Variants in NOTCH2 observed in about 807,000 individuals in gnomAD.
NOTCH2 encodes neurogenic locus notch homolog protein 2.
A neutral mutation model predicts 235.8 loss-of-function variants in NOTCH2; 29 were observed. The ratio of observed to expected loss-of-function variants is 0.12; its 90% CI spans 0.09 to 0.17. The LOEUF (loss-of-function observed/expected upper bound fraction) is 0.17. Among genes scored for constraint, NOTCH2 ranks in the 10% least tolerant of loss-of-function variants. NOTCH2 has a pLI of 1.00. For missense variants in NOTCH2, 2,285 were observed against 3,150.2 expected (o/e 0.73, Z 6.57); for synonymous variants, 1,086 against 1,141.5 (o/e 0.95, Z 0.98).
chr1:119,937,416 C>T lies in NOTCH2; in HGVS notation c.3388G>A (p.Gly1130Ser), dbSNP rs782078365. The T allele has an allele frequency of 9.3e-6, 15 of 1,613,956 alleles. No individual in the cohort carries two copies. The Admixed American group carries it at 2.2e-4, about 23-fold the overall frequency. ...CQHSGVCINA[G>S]NTHYCQCPLG... ...GGGCACTGACAGTAATGCGTGTTGC[C>T]AGCATTGATGCAGACACCTGAGTGC... is the stretch of plus-strand genomic sequence containing the variant. Residue 1130 changes from glycine (G) to serine (S), a missense_variant, in exon 21 of 34, where the codon GGC becomes AGC. Gly to Ser is a moderately conservative substitution (Grantham distance 56, BLOSUM62 0). Coordinates refer to ENST00000256646, the MANE Select transcript of NOTCH2 (RefSeq NM_024408.4).
intron 22 of NOTCH2, among the ~76,000 whole-genome samples, chr1:119,930,448 T>C (rs1217779934): frequency 1.3e-5 from 2 of 151,148 alleles, no homozygotes; most frequent in Non-Finnish European, 2.9e-5. Context: ...AAGAAATCAA[T>C]GACTATTCTA....
intron 14 of NOTCH2, among the ~76,000 whole-genome samples, chr1:119,951,213 G>A (rs782756009): frequency 1.3e-5 from 2 of 152,172 alleles, no homozygotes; most frequent in Non-Finnish European, 2.9e-5. Flanking sequence ...GTGCAGTTGT[G>A]TAATCATGGC....
chr1:119,961,881 G>A (rs782197673), intron 11 of NOTCH2, among the ~76,000 whole-genome samples: 3 of 152,040 alleles, frequency 2.0e-5, no homozygotes, highest in Non-Finnish European at 4.4e-5. Context: ...CCATATAAGT[G>A]GAACAGGAAT....
intron 5 of NOTCH2, among the ~76,000 whole-genome samples, chr1:119,971,856 C>T (rs1037178769): frequency 6.6e-6 from 1 of 152,206 alleles, no homozygotes; most frequent in Admixed American, 6.5e-5. Flanking sequence ...TGAGAGATGC[C>T]TCTTGCAACA....
chr1:119,928,335 T>A (rs1649540992), intron 23 of NOTCH2, among the ~76,000 whole-genome samples: 1 of 152,150 alleles, frequency 6.6e-6, no homozygotes, highest in Non-Finnish European at 1.5e-5. Context: ...CATCAACTGA[T>A]CTTTGGTTAA....
chr1:120,033,462 A>G (rs1213200728), intron 1 of NOTCH2, among the ~76,000 whole-genome samples: 3 of 140,426 alleles, frequency 2.1e-5, no homozygotes, highest in African/African-American at 5.2e-5. Flanking sequence ...GATATATACA[A>G]TGGAATACTA....
chr1:120,069,276 G>C (rs1553217857), intron 1 of NOTCH2, 58 bp downstream of exon 1: 17 of 1,527,068 alleles, frequency 1.1e-5, no homozygotes, highest in South Asian at 1.1e-4. Flanking sequence ...GGGGAGAAGG[G>C]TCGCCCCAGG....
rs184098081 is a variant in NOTCH2, at chr1:120,040,966, G to A, written c.74-10979C>T. On this transcript the variant is annotated intron_variant, in intron 1 of 33. Transcript: ENST00000256646. ...TGAGGCAGGAGAATGGAATGAACCC[G>A]GGAGGCGGAGCTTGCAATGAGCCGA... is the stretch of plus-strand genomic sequence containing the variant. Among the ~76,000 whole-genome samples, 93 of 144,582 alleles carry A rather than the reference G, an allele frequency of 6.4e-4. 1 individual carries two copies. Among genetic ancestry groups the A allele is most frequent in the Non-Finnish European group, 2.5e-4 (17 of 66,796 alleles). 94.9% of individuals were successfully genotyped at this position (144,582 alleles called of 152,430 possible).
intron 2 of NOTCH2, among the ~76,000 whole-genome samples, chr1:120,029,296 A>C (rs1462287815): frequency 4.6e-5 from 7 of 151,694 alleles, no homozygotes; most frequent in African/African-American, 1.7e-4. Context: ...GGAGACTCTA[A>C]GAGTATGCCT....
At chr1:120,029,592 G>A (rs587686289) in intron 2 of NOTCH2, among the ~76,000 whole-genome samples, 21 of 152,124 alleles carry the variant, frequency 1.4e-4, no homozygotes, top group South Asian at 6.2e-4. Context: ...CTCGTGATTC[G>A]CCCAACACAG....
At chr1:119,943,199 A>G (rs1553196671) in intron 17 of NOTCH2, among the ~76,000 whole-genome samples, 1 of 152,222 alleles carries the variant, frequency 6.6e-6, no homozygotes. Flanking sequence ...GGTGGCCTCT[A>G]TATGATAATC....
At chr1:120,015,039 A>C (rs1653379361) in intron 2 of NOTCH2, among the ~76,000 whole-genome samples, 1 of 151,204 alleles carries the variant, frequency 6.6e-6, no homozygotes, top group Non-Finnish European at 1.5e-5. Flanking sequence ...TTCAAAAAAA[A>C]ACAACAACAA....
At position 119,922,681 on chromosome 1, in the gene NOTCH2, G is replaced by C; in HGVS notation, c.4957C>G (p.His1653Asp). Residue 1653 changes from histidine to aspartate, a missense_variant, in exon 27 of 34, where the codon CAC becomes GAC. His to Asp is a moderately conservative substitution (Grantham distance 81, BLOSUM62 -1). Coordinates refer to ENST00000256646, the MANE Select transcript of NOTCH2 (RefSeq NM_024408.4). The stretch of plus-strand genomic sequence containing the variant: ...TATGACAGGGTCCCCTGTATGGCGT[G>C]AGAGGCCAGGAGAGCTGCTGCTGCA... ...TDAAAALLASHAIQGTLSYPL... is the reference protein window; with the variant it reads ...TDAAAALLASDAIQGTLSYPL... 1 of 1,614,178 alleles carries C rather than the reference G, an allele frequency of 6.2e-7. No homozygotes were observed. Among genetic ancestry groups the C allele is most frequent in the Non-Finnish European group, 8.5e-7 (1 of 1,180,038 alleles).
intron 1 of NOTCH2, among the ~76,000 whole-genome samples, chr1:120,062,895 T>C (rs1655361947): frequency 1.3e-5 from 2 of 152,244 alleles, no homozygotes; most frequent in Admixed American, 1.3e-4. Context: ...TATTCCAAGC[T>C]ATGGCTTTAT....
At chr1:120,035,516 G>C (rs1390423751) in intron 1 of NOTCH2, among the ~76,000 whole-genome samples, 1 of 151,600 alleles carries the variant, frequency 6.6e-6, no homozygotes, top group African/African-American at 2.4e-5. Context: ...ATTGAACTCA[G>C]TTCCATTCCT....
rs1479781234 is a variant in NOTCH2 at position 120,069,566 on chromosome 1, G to C, written c.-160C>G. ...TCCGAAGCCCAGGCGCAAATGCCTCGACTCCCCGCGCCCCGAGTCCGCCGC... is the reference window on the plus strand; with the variant it reads ...TCCGAAGCCCAGGCGCAAATGCCTCCACTCCCCGCGCCCCGAGTCCGCCGC... On this transcript the variant is annotated 5_prime_UTR_variant, in exon 1 of 34. Coordinates refer to ENST00000256646, the MANE Select transcript of NOTCH2 (RefSeq NM_024408.4). 3.5e-6 allele frequency: 5 copies of C among 1,410,682 alleles called. No individual in the cohort carries two copies. Among genetic ancestry groups the C allele is most frequent in the African/African-American group, 1.5e-5 (1 of 65,824 alleles). The allele number at this position is 1,410,682 out of a possible 1,614,324, so 87.4% of individuals were successfully genotyped here.
chr1:119,927,402 T>G (rs1480649633), intron 23 of NOTCH2, among the ~76,000 whole-genome samples: 1 of 152,104 alleles, frequency 6.6e-6, no homozygotes, highest in African/African-American at 2.4e-5. Context: ...TCTCTTCAAA[T>G]CACAGCAGCA....
Position 120,005,466 on chromosome 1 carries a change from G to A in NOTCH2, c.278C>T (p.Ala93Val), listed in dbSNP as rs368671802. Reference protein sequence around the residue: ...AMLGKATCRCASGFTGEDCQY... With the variant: ...AMLGKATCRCVSGFTGEDCQY... ...GCAGTCCTCTCCTGTAAACCCTGAGGCACATCGGCACGTGGCTTTCCCCAG... is the reference window on the plus strand; with the variant it reads ...GCAGTCCTCTCCTGTAAACCCTGAGACACATCGGCACGTGGCTTTCCCCAG... The change falls in exon 3 of 34, where the codon GCC becomes GTC. Residue 93 changes from alanine to valine, a missense_variant. Physicochemically the swap from Ala to Val is moderately conservative, Grantham distance 64. This residue lies in a region of NOTCH2 where 431 missense variants were observed against 757.8 expected (regional missense o/e 0.57). Transcript: ENST00000256646. 6.2e-7 allele frequency: 1 copy of A among 1,613,790 alleles called. No homozygotes were observed. Among genetic ancestry groups the A allele is most frequent in the Non-Finnish European group, 8.5e-7 (1 of 1,179,834 alleles).
At chr1:119,971,075 T>C (rs1359750991) in intron 5 of NOTCH2, among the ~76,000 whole-genome samples, 1 of 152,236 alleles carries the variant, frequency 6.6e-6, no homozygotes, top group African/African-American at 2.4e-5. Flanking sequence ...CGGATGCTAG[T>C]TGTGTCTGAC....
Sources: allele counts gnomAD v4.1 joint callset (sites outside exome capture counted in the v4.1 genomes callset), GRCh38; gene constraint gnomAD v4.1.1; regional missense constraint gnomAD v4.1.1; transcripts MANE v1.5; gene names NCBI Gene and HGNC (gene_info 2026-07-23, HGNC 2026-07-21).